The following RNF111 variants were observed in gnomAD, a reference collection of about 807,000 sequenced individuals.
The protein encoded by RNF111 is E3 ubiquitin-protein ligase Arkadia.
In RNF111, 17 loss-of-function variants were observed where a neutral mutation model predicts 95.1. That is an observed-to-expected ratio of 0.18 (90% confidence interval 0.12 to 0.27). The LOEUF is 0.27. Among genes scored for constraint, RNF111 ranks in the 10% least tolerant of loss-of-function variants. The pLI is 1.00. For missense variants in RNF111, 1,189 were observed against 1,210.4 expected (o/e 0.98, Z 0.26); for synonymous variants, 440 against 414.8 (o/e 1.06, Z -0.74).
In RNF111 at chr15:59,084,312, AAG is replaced by A. The variant is rs1185026502; in HGVS notation, c.2423+62_2423+63del. 5 of 1,422,434 alleles carry A rather than the reference AAG, an allele frequency of 3.5e-6. No homozygotes were observed. In the African/African-American group the frequency reaches 7.3e-5, roughly 21 times the overall value. 88.1% of individuals were successfully genotyped at this position (1,422,434 alleles called of 1,614,324 possible). A position where few individuals can be genotyped will look rare whatever the true frequency, so the allele number is the denominator to read the frequency against. ...TCACAGCTTGTGGTAAAACTATTGG[AAG>A]AGATGCCTTGTGATTGATTGCTTTG... On this transcript the variant is annotated intron_variant, in intron 9 of 13. Coordinates refer to ENST00000348370, the MANE Select transcript of RNF111 (RefSeq NM_017610.8).
Position 59,066,700 on chromosome 15 carries a change from C to A in RNF111, c.1367-64C>A, listed in dbSNP as rs1056044441. On this transcript the variant is annotated intron_variant, in intron 5 of 13. Transcript: ENST00000348370. Reference sequence around the variant, plus strand: ...AAACATTTATTATTTATACCCCATACCTATTTTTTTACACAGTGATATTTC... The same window carrying A: ...AAACATTTATTATTTATACCCCATAACTATTTTTTTACACAGTGATATTTC... 7.0e-5 allele frequency: 87 copies of A among 1,240,950 alleles called. No homozygotes were observed. The African/African-American group carries it at 1.2e-3, about 17-fold the overall frequency. 76.9% of individuals were successfully genotyped at this position (1,240,950 alleles called of 1,614,324 possible). A position where few individuals can be genotyped will look rare whatever the true frequency, so the allele number is the denominator to read the frequency against.
chr15:59,024,590 C>T (rs2040508655), intron 1 of RNF111, among the ~76,000 whole-genome samples: 1 of 152,172 alleles, frequency 6.6e-6, no homozygotes, highest in Non-Finnish European at 1.5e-5. Context: ...TGTTCTTTTA[C>T]ATATTTATGC....
intron 2 of RNF111, 67 bp downstream of exon 2, chr15:59,031,769 T>A: frequency 7.2e-7 from 1 of 1,388,350 alleles, no homozygotes; most frequent in Non-Finnish European, 9.9e-7. Context: ...ATTTTTTGTT[T>A]GTGTCTTACT....
intron 1 of RNF111, among the ~76,000 whole-genome samples, chr15:59,020,083 T>A (rs1312683673): frequency 6.7e-6 from 1 of 149,172 alleles, no homozygotes; most frequent in African/African-American, 2.4e-5. Context: ...TAATTTTATA[T>A]TTTGTGTTAT....
chr15:59,056,278 T>C (rs1254354577), intron 4 of RNF111, among the ~76,000 whole-genome samples: 4 of 152,176 alleles, frequency 2.6e-5, no homozygotes, highest in African/African-American at 9.7e-5. Context: ...CCTTCAATAT[T>C]ATCGGTACCT....
intron 6 of RNF111, among the ~76,000 whole-genome samples, chr15:59,073,789 A>G (rs746855550): frequency 1.7e-4 from 26 of 152,290 alleles, no homozygotes; most frequent in Non-Finnish European, 2.2e-4. Context: ...AAGGTTTTCA[A>G]TTTACTTTTG....
At position 59,058,477 on chromosome 15, in the gene RNF111, T is replaced by C. The variant is rs368063004; in HGVS notation, c.1293T>C (p.Ser431=). 5.8e-5 allele frequency: 93 copies of C among 1,614,000 alleles called. No individual in the cohort carries two copies. Among genetic ancestry groups the C allele is most frequent in the Non-Finnish European group, 7.8e-5 (92 of 1,180,002 alleles). ...QASDTASAVT[S]SQPSTVSETS... ...CTGATACTGCTTCAGCTGTCACCAGTAGCCAACCTTCCACAGTGTCAGAGA... is the reference window on the plus strand; with the variant it reads ...CTGATACTGCTTCAGCTGTCACCAGCAGCCAACCTTCCACAGTGTCAGAGA... The change falls in exon 5 of 14, where the codon AGT becomes AGC. Residue 431 remains serine, a synonymous_variant. Coordinates refer to ENST00000348370, the MANE Select transcript of RNF111 (RefSeq NM_017610.8).
intron 10 of RNF111, 38 bp downstream of exon 10, chr15:59,085,823 A>T (rs762846521): frequency 1.5e-5 from 23 of 1,580,494 alleles, no homozygotes; most frequent in South Asian, 1.4e-4. Context: ...ACATGTTCTA[A>T]AAGTTCCTTT....
chr15:59,078,175 A>C (rs941259227), intron 7 of RNF111, among the ~76,000 whole-genome samples: 1 of 152,170 alleles, frequency 6.6e-6, no homozygotes, highest in Admixed American at 6.5e-5. Flanking sequence ...AATAATTCCT[A>C]TTGGCTATAA....
chr15:59,062,642 C>T (rs909291540), intron 5 of RNF111, among the ~76,000 whole-genome samples: 7 of 152,090 alleles, frequency 4.6e-5, no homozygotes, highest in Admixed American at 1.3e-4. Context: ...TAGTGTTGGC[C>T]GGTGGATTTG....
chr15:59,061,581 C>G (rs1187324456), intron 5 of RNF111, among the ~76,000 whole-genome samples: 3 of 152,154 alleles, frequency 2.0e-5, no homozygotes, highest in African/African-American at 7.2e-5. Context: ...CTTCCAATGC[C>G]TCCATATAAA....
rs78252119 is a variant in RNF111 at position 59,064,156 on chromosome 15, G to A, written c.1367-2608G>A. On this transcript the variant is annotated intron_variant, in intron 5 of 13. Transcript: ENST00000348370. ...ATATGCTAGTTTTAACACTTGACCAGGTTATTCAACACATTTGGAATACAA... is the reference window on the plus strand; with the variant it reads ...ATATGCTAGTTTTAACACTTGACCAAGTTATTCAACACATTTGGAATACAA... Among the ~76,000 whole-genome samples the A allele has an allele frequency of 9.7e-3, 1,479 of 152,184 alleles. 23 individuals carry two copies. The highest frequency in any genetic ancestry group is 0.033 in the African/African-American group (1,389 of 41,516).
chr15:59,009,332 T>C (rs1230361430), intron 1 of RNF111, among the ~76,000 whole-genome samples: 1 of 152,048 alleles, frequency 6.6e-6, no homozygotes, highest in African/African-American at 2.4e-5. Context: ...TCATCTTAGC[T>C]AGAGCATAGT....
chr15:59,056,419 A>C (rs1392836185), intron 4 of RNF111, among the ~76,000 whole-genome samples: 1 of 152,222 alleles, frequency 6.6e-6, no homozygotes, highest in African/African-American at 2.4e-5. Flanking sequence ...GAATGAATAC[A>C]TATGTGAATT....
At position 59,072,893 on chromosome 15, in the gene RNF111, AC is replaced by A. The variant is rs768045520; in HGVS notation, c.1687-3060del. ...CAATTTTTTTATTAAAAAAAAAAAA[AC>A]AAAACACTTCCAGCTGGGCATGCTG... On this transcript the variant is annotated intron_variant, in intron 6 of 13. Transcript: ENST00000348370. Among the ~76,000 whole-genome samples the A allele has an allele frequency of 7.7e-3, 1,154 of 150,464 alleles. 18 individuals are homozygous for A. The highest frequency in any genetic ancestry group is 0.025 in the African/African-American group (1,015 of 40,496).
chr15:58,998,543 T>C (rs1471023191), intron 1 of RNF111, among the ~76,000 whole-genome samples: 2 of 152,212 alleles, frequency 1.3e-5, no homozygotes, highest in Non-Finnish European at 2.9e-5. Context: ...GATTTAGTTA[T>C]AAAATGGATT....
chr15:59,069,042 C>T (rs969765721), intron 6 of RNF111, among the ~76,000 whole-genome samples: 11 of 147,988 alleles, frequency 7.4e-5, no homozygotes, highest in African/African-American at 2.5e-4. Flanking sequence ...CCACCACACT[C>T]CAGCCTTGGC....
intron 6 of RNF111, among the ~76,000 whole-genome samples, chr15:59,073,664 AGT>A (rs2043043346): frequency 6.6e-6 from 1 of 152,066 alleles, no homozygotes; most frequent in African/African-American, 2.4e-5. Flanking sequence ...AACCCCTCAA[AGT>A]GTGCATGAGG....
rs535622587 is a variant in RNF111, at chr15:59,042,536, C to A, written c.881-9769C>A. On this transcript the variant is annotated intron_variant, in intron 2 of 13. Transcript: ENST00000348370. ...CTCCAAAGTTCTAGCAAAATTAGCCCATTTCCCCCCAGTCCTTGTACTTAA... is the reference window on the plus strand; with the variant it reads ...CTCCAAAGTTCTAGCAAAATTAGCCAATTTCCCCCCAGTCCTTGTACTTAA... Among the ~76,000 whole-genome samples the A allele has an allele frequency of 3.9e-5, 6 of 152,290 alleles. No homozygotes were observed. In the South Asian group the frequency reaches 1.2e-3, roughly 32 times the overall value.
Sources: allele counts gnomAD v4.1 joint callset (sites outside exome capture counted in the v4.1 genomes callset), GRCh38; gene constraint gnomAD v4.1.1; transcripts MANE v1.5; gene names NCBI Gene and HGNC (gene_info 2026-07-23, HGNC 2026-07-21).